Variants in RAB31 observed in about 807,000 individuals in gnomAD.
The protein encoded by RAB31 is ras-related protein Rab-31.
RAB31 carries 21 observed loss-of-function variants against 25.6 expected under a neutral mutation model. The ratio of observed to expected loss-of-function variants is 0.82; its 90% CI spans 0.58 to 1.18. The LOEUF (loss-of-function observed/expected upper bound fraction) is 1.18. RAB31 is among the 50% of genes most tolerant of loss of function. The pLI is 0.00. For missense variants in RAB31, 196 were observed against 250.1 expected (o/e 0.78, Z 1.46); for synonymous variants, 87 against 84.0 (o/e 1.04, Z -0.20).
intron 5 of RAB31, among the ~76,000 whole-genome samples, chr18:9,834,554 G>C (rs1292783331): frequency 1.3e-5 from 2 of 152,082 alleles, no homozygotes; most frequent in African/African-American, 4.8e-5. Flanking sequence ...ATTTCTTCTG[G>C]GGTTGAAGGG....
chr18:9,840,119 T>C (rs80062128), intron 5 of RAB31, among the ~76,000 whole-genome samples: 7,817 of 152,242 alleles, frequency 0.051, 744 homozygotes, highest in African/African-American at 0.18. Context: ...ACGCAGACTA[T>C]GATCAGCTCC....
intron 3 of RAB31, among the ~76,000 whole-genome samples, chr18:9,801,126 G>A (rs1223933368): frequency 2.0e-5 from 3 of 152,130 alleles, no homozygotes; most frequent in African/African-American, 7.2e-5. Context: ...TGTGGTGTGG[G>A]TCATAAAAGT....
chr18:9,800,931 G>A (rs902662721), intron 3 of RAB31, among the ~76,000 whole-genome samples: 1 of 152,126 alleles, frequency 6.6e-6, no homozygotes, highest in African/African-American at 2.4e-5. Context: ...ATTTTTATCA[G>A]TCCAGAAAGA....
intron 5 of RAB31, among the ~76,000 whole-genome samples, chr18:9,829,101 C>G (rs2068664454): frequency 6.6e-6 from 1 of 152,160 alleles, no homozygotes; most frequent in African/African-American, 2.4e-5. Flanking sequence ...ATATATAAAA[C>G]AAGCATATCG....
At chr18:9,785,644 C>T (rs1259343542) in intron 2 of RAB31, among the ~76,000 whole-genome samples, 2 of 152,146 alleles carry the variant, frequency 1.3e-5, no homozygotes, top group Non-Finnish European at 2.9e-5. Flanking sequence ...CAGAGAGAGT[C>T]CTGCCCCATC....
intron 1 of RAB31, among the ~76,000 whole-genome samples, chr18:9,759,828 G>A (rs1197738680): frequency 6.6e-6 from 1 of 152,050 alleles, no homozygotes; most frequent in Non-Finnish European, 1.5e-5. Flanking sequence ...TTTTTATAAG[G>A]GGAAAGCACC....
intron 1 of RAB31, among the ~76,000 whole-genome samples, chr18:9,754,072 C>T (rs1391358544): frequency 6.6e-6 from 1 of 152,092 alleles, no homozygotes; most frequent in African/African-American, 2.4e-5. Context: ...TGCCACTCTG[C>T]GTCATGAAGA....
intron 1 of RAB31, among the ~76,000 whole-genome samples, chr18:9,748,476 A>C: frequency 6.6e-6 from 1 of 152,204 alleles, no homozygotes; most frequent in Non-Finnish European, 1.5e-5. Flanking sequence ...ACTGCACTCC[A>C]GCCTAGGTGG....
chr18:9,797,053 AAC>A (rs1335126827), intron 3 of RAB31, among the ~76,000 whole-genome samples: 1 of 152,242 alleles, frequency 6.6e-6, no homozygotes, highest in Non-Finnish European at 1.5e-5. Flanking sequence ...CTAAATTGAG[AAC>A]ACAGACTTCT....
intron 5 of RAB31, among the ~76,000 whole-genome samples, chr18:9,821,219 T>G (rs1473074534): frequency 6.6e-6 from 1 of 152,142 alleles, no homozygotes; most frequent in Non-Finnish European, 1.5e-5. Context: ...ATGATTTTAA[T>G]TATTTTACAT....
At chr18:9,741,936 TG>T (rs2145472512) in intron 1 of RAB31, among the ~76,000 whole-genome samples, 1 of 152,322 alleles carries the variant, frequency 6.6e-6, no homozygotes, top group South Asian at 2.1e-4. Context: ...CCAGGAAATG[TG>T]AGTCAGTGGC....
intron 1 of RAB31, among the ~76,000 whole-genome samples, chr18:9,752,531 G>A (rs1405729827): frequency 6.6e-6 from 1 of 152,080 alleles, no homozygotes; most frequent in Non-Finnish European, 1.5e-5. Flanking sequence ...GGCCCAGCTC[G>A]GCCCTTTAAA....
rs146249768 is a variant in RAB31, at chr18:9,711,715, C to G, written c.39+3271C>G. 2.0e-5 allele frequency among the ~76,000 whole-genome samples: 3 copies of G among 152,286 alleles called. No individual in the cohort carries two copies. In the East Asian group the frequency reaches 5.8e-4, roughly 29 times the overall value. On this transcript the variant is annotated intron_variant, in intron 1 of 6. Coordinates refer to ENST00000578921, the MANE Select transcript of RAB31 (RefSeq NM_006868.4). ...CTGTTTTTTAGCCATGAGACACCTCCCTGAAGTCTTGCTATGACCAAGACC... is the reference window on the plus strand; with the variant it reads ...CTGTTTTTTAGCCATGAGACACCTCGCTGAAGTCTTGCTATGACCAAGACC...
chr18:9,751,895 C>T (rs1320858927), intron 1 of RAB31, among the ~76,000 whole-genome samples: 2 of 152,172 alleles, frequency 1.3e-5, no homozygotes, highest in East Asian at 1.9e-4. Flanking sequence ...CCCAAGGTTC[C>T]GTTAACAGAG....
At chr18:9,775,486 C>A in intron 2 of RAB31, 129 bp downstream of exon 2, 2 of 1,476,440 alleles carry the variant, frequency 1.4e-6, no homozygotes, top group Non-Finnish European at 1.8e-6. Context: ...TCAATCCCAG[C>A]TGTAGACCGA....
chr18:9,840,747 A>G (rs62081248), intron 5 of RAB31, among the ~76,000 whole-genome samples: 54,344 of 151,924 alleles, frequency 0.36, 11,195 homozygotes, highest in Non-Finnish European at 0.46. Context: ...TAGAGCTGCA[A>G]GTTTCTGGTA....
chr18:9,813,166 T>C (rs2068583396), intron 3 of RAB31, among the ~76,000 whole-genome samples: 2 of 152,230 alleles, frequency 1.3e-5, no homozygotes, highest in Non-Finnish European at 2.9e-5. Context: ...ATGGAGCTCC[T>C]CTGCTGTCTT....
At position 9,790,423 on chromosome 18, in the gene RAB31, A is replaced by G. The variant is rs867773630; in HGVS notation, c.120-1731A>G. On this transcript the variant is annotated intron_variant, in intron 2 of 6. Coordinates refer to ENST00000578921, the MANE Select transcript of RAB31 (RefSeq NM_006868.4). ...AAAAAAAATTTTTTTTTTTGTAAAG[A>G]AGGAGTCTTGCTCTGTTGCCCAAGC... is the stretch of plus-strand genomic sequence containing the variant. 5.9e-5 allele frequency among the ~76,000 whole-genome samples: 9 copies of G among 151,860 alleles called. No homozygotes were observed. In the South Asian group the frequency reaches 1.9e-3, roughly 32 times the overall value.
At chr18:9,792,593 T>C (rs555995072) in intron 3 of RAB31, among the ~76,000 whole-genome samples, 1 of 152,336 alleles carries the variant, frequency 6.6e-6, no homozygotes, top group East Asian at 1.9e-4. Context: ...AAAGCATCTC[T>C]ACACCTACCT....
Sources: gnomAD v4.1 joint callset for allele counts (sites outside exome capture counted in the v4.1 genomes callset) on GRCh38, gnomAD v4.1.1 for gene constraint, MANE v1.5 for transcripts, NCBI Gene and HGNC (gene_info 2026-07-23, HGNC 2026-07-21) for gene names.